C3orf20: variants seen among roughly 807,000 people sequenced by gnomAD.
C3orf20 encodes the protein uncharacterized protein C3orf20.
A neutral mutation model predicts 88.3 loss-of-function variants in C3orf20; 76 were observed. The ratio of observed to expected loss-of-function variants is 0.86; its 90% CI spans 0.72 to 1.04. The LOEUF is 1.04. C3orf20 is among the 50% of genes least tolerant of loss of function. The probability of loss-of-function intolerance (pLI) is 0.00; values close to 1 mark genes in which losing one functional copy is unlikely to be tolerated. For missense variants in C3orf20, 1,056 were observed against 1,123.3 expected, an observed-to-expected ratio of 0.94 and a Z score of 0.86; for synonymous variants, 436 against 437.4, an observed-to-expected ratio of 1.00 and a Z score of 0.04.
intron 9 of C3orf20, among the ~76,000 whole-genome samples, chr3:14,718,668 T>C (rs1181579207): frequency 6.6e-6 from 1 of 152,268 alleles, no homozygotes; most frequent in Non-Finnish European, 1.5e-5. Flanking sequence ...AATTCTGGTG[T>C]ATTTCTCTGA....
chr3:14,686,997 GA>G (rs1008668061), intron 4 of C3orf20, among the ~76,000 whole-genome samples: 2 of 152,232 alleles, frequency 1.3e-5, no homozygotes, highest in Non-Finnish European at 2.9e-5. Context: ...CAATGAAAGT[GA>G]TGCTGGAGAG....
At chr3:14,736,213 C>T (rs2034703180) in intron 12 of C3orf20, among the ~76,000 whole-genome samples, 1 of 151,882 alleles carries the variant, frequency 6.6e-6, no homozygotes, top group Non-Finnish European at 1.5e-5. Context: ...GATCATTTTC[C>T]TTCTGTCTGA....
At chr3:14,684,534 G>A (rs2032294451) in intron 4 of C3orf20, 152 bp downstream of exon 4, 1 of 1,104,018 alleles carries the variant, frequency 9.1e-7, no homozygotes, top group Non-Finnish European at 1.3e-6. Context: ...CTACAGGTGA[G>A]TGGATGAATT....
In C3orf20 at chr3:14,721,746, G is replaced by C. The variant is rs533425035; in HGVS notation, c.1528G>C (p.Ala510Pro). 1 of 1,614,150 alleles carries C rather than the reference G, an allele frequency of 6.2e-7. No homozygotes were observed. Among genetic ancestry groups the C allele is most frequent in the South Asian group, 1.1e-5 (1 of 91,080 alleles). ...LNETVTLTVS[A>P]NNCPHGMAYD... ...TGAGACAGTAACACTCACTGTGTCG[G>C]CCAACAATTGTCCCCATGGAATGGC... The change falls in exon 10 of 17, where the codon GCC becomes CCC. Residue 510 changes from alanine to proline, a missense_variant. Transcript: ENST00000253697.
chr3:14,765,394 A>G (rs1225318437), intron 15 of C3orf20: 1 of 152,272 alleles, frequency 6.6e-6, no homozygotes, highest in Admixed American at 6.5e-5. Context: ...AGGGACCATT[A>G]TGCTGGAAAC....
chr3:14,711,651 T>TA, intron 7 of C3orf20, among the ~76,000 whole-genome samples: 1 of 147,466 alleles, frequency 6.8e-6, no homozygotes, highest in Non-Finnish European at 1.5e-5. Context: ...TTTTTTTTTT[T>TA]TTGAGACTGA....
At chr3:14,690,181 C>T (rs975992816) in intron 5 of C3orf20, 65 bp downstream of exon 5, 71 of 1,606,930 alleles carry the variant, frequency 4.4e-5, no homozygotes, top group Admixed American at 5.0e-5. Flanking sequence ...GATAGGTTTC[C>T]GTCTACCCTG....
At position 14,728,534 on chromosome 3, in the gene C3orf20, C is replaced by T; in HGVS notation, c.1786C>T (p.Leu596=). ...AACTCATCCCGAGCGGCTCCCCAAG[C>T]TAAGTTTATACTCAGGAGAAAGTCT... The part of the protein sequence containing the change: ...SRTHPERLPK[L]SLYSGESLLR... Residue 596 remains leucine, a synonymous_variant, in exon 12 of 17, where the codon CTA becomes TTA. Transcript: ENST00000253697. The T allele has an allele frequency of 6.2e-7, 1 of 1,614,214 alleles. No homozygotes were observed. Among genetic ancestry groups the T allele is most frequent in the Non-Finnish European group, 8.5e-7 (1 of 1,180,044 alleles).
At chr3:14,729,791 C>T (rs1205235116) in intron 12 of C3orf20, among the ~76,000 whole-genome samples, 3 of 152,206 alleles carry the variant, frequency 2.0e-5, no homozygotes, top group African/African-American at 7.2e-5. Context: ...TGTGATCCAC[C>T]CGCCTGGGCT....
intron 7 of C3orf20, among the ~76,000 whole-genome samples, chr3:14,706,728 G>C (rs1260854294): frequency 6.6e-6 from 1 of 151,874 alleles, no homozygotes. Context: ...TGATCTCTGT[G>C]CCTCACTTCC....
intron 8 of C3orf20, among the ~76,000 whole-genome samples, 173 bp from the exon 9 acceptor site, chr3:14,715,116 G>C (rs2033891114): frequency 6.6e-6 from 1 of 152,214 alleles, no homozygotes; most frequent in African/African-American, 2.4e-5. Context: ...AGCATCAGCA[G>C]GTGTTAAGGG....
At chr3:14,681,230 C>T (rs148185365) in intron 1 of C3orf20, among the ~76,000 whole-genome samples, 158 of 152,308 alleles carry the variant, frequency 1.0e-3, no homozygotes, top group Non-Finnish European at 1.4e-3. Context: ...CACACGAGCT[C>T]GTGGCTGTGA....
intron 12 of C3orf20, among the ~76,000 whole-genome samples, chr3:14,740,539 T>C (rs181989416): frequency 2.1e-4 from 32 of 152,290 alleles, no homozygotes; most frequent in African/African-American, 7.5e-4. Context: ...GCACATGCTA[T>C]TGGAAAAATG....
intron 7 of C3orf20, among the ~76,000 whole-genome samples, chr3:14,707,434 A>G (rs1015225474): frequency 7.1e-6 from 1 of 141,600 alleles, no homozygotes; most frequent in Non-Finnish European, 1.5e-5. Flanking sequence ...AATGGCGTAG[A>G]GCATCTTTTC....
At chr3:14,686,193 C>CGTGTGTGTGTGTGTGTGTGT (rs58844982) in intron 4 of C3orf20, among the ~76,000 whole-genome samples, 75 of 149,596 alleles carry the variant, frequency 5.0e-4, no homozygotes, top group African/African-American at 1.6e-3. Flanking sequence ...GAATCATATT[C>CGTGTGTGTGTGTGTGTGTGT]GTGTGTGTGT....
intron 12 of C3orf20, among the ~76,000 whole-genome samples, chr3:14,731,027 T>A (rs762800140): frequency 2.0e-5 from 3 of 152,146 alleles, no homozygotes; most frequent in Non-Finnish European, 2.9e-5. Context: ...TACCAAGCCC[T>A]ATATATACTC....
At chr3:14,766,853 A>G (rs2035724068) in intron 15 of C3orf20, 1 of 152,338 alleles carries the variant, frequency 6.6e-6, no homozygotes, top group Non-Finnish European at 1.5e-5. Context: ...CCTGACCCCC[A>G]GCCAGGGCGG....
intron 5 of C3orf20, among the ~76,000 whole-genome samples, chr3:14,691,253 A>C (rs2124908221): frequency 6.6e-6 from 1 of 152,276 alleles, no homozygotes; most frequent in East Asian, 1.9e-4. Context: ...GATGTGCTTC[A>C]TCTCATTGTG....
intron 12 of C3orf20, among the ~76,000 whole-genome samples, chr3:14,734,871 CTA>C (rs1311813225): frequency 2.0e-5 from 3 of 151,896 alleles, no homozygotes; most frequent in African/African-American, 4.8e-5. Flanking sequence ...TATTTTGAAA[CTA>C]TGTTATTAGA....
Sources: allele counts gnomAD v4.1 joint callset (sites outside exome capture counted in the v4.1 genomes callset), GRCh38; gene constraint gnomAD v4.1.1; transcripts MANE v1.5; gene names NCBI Gene and HGNC (gene_info 2026-07-23, HGNC 2026-07-21).